The following BRAT1 variants were observed in gnomAD, a reference collection of about 807,000 sequenced individuals.
The protein encoded by BRAT1 is integrator complex assembly factor BRAT1.
BRAT1 carries 74 observed loss-of-function variants against 70.6 expected under a neutral mutation model. The observed-to-expected ratio is 1.05, with a 90% CI of 0.87 to 1.27. The LOEUF is 1.27. BRAT1 is among the 50% of genes most tolerant of loss of function. BRAT1 has a pLI of 0.00. For synonymous variants in BRAT1, 615 were observed against 517.1 expected (o/e 1.19, Z -2.57); for missense variants, 1,203 against 1,098.2 (o/e 1.10, Z -1.35).
intron 10 of BRAT1, 77 bp from the exon 11 acceptor site, chr7:2,539,965 C>T: frequency 9.4e-7 from 1 of 1,068,828 alleles, no homozygotes; most frequent in Non-Finnish European, 1.3e-6. Context: ...TCGCCTTCAC[C>T]TGTGCTGCCC....
Position 2,541,793 on chromosome 7 carries a change from T to C in BRAT1, c.1059A>G (p.Thr353=). 6.2e-7 allele frequency: 1 copy of C among 1,612,500 alleles called. No homozygotes were observed. Among genetic ancestry groups the C allele is most frequent in the Non-Finnish European group, 8.5e-7 (1 of 1,179,816 alleles). Residue 353 remains threonine, a synonymous_variant, in exon 8 of 14, where the codon ACA becomes ACG. Coordinates refer to ENST00000340611, the MANE Select transcript of BRAT1 (RefSeq NM_152743.4). ...GTADDATTVD[T]LLASKSSCAG... is the part of the protein sequence containing the mutation. ...CGCAGGACGACTTGGAGGCCAGGAG[T>C]GTGTCCACCGTCGTGGCATCGTCTG... is the stretch of plus-strand genomic sequence containing the variant.
intron 1 of BRAT1, among the ~76,000 whole-genome samples, chr7:2,554,933 G>T (rs1221615530): frequency 1.3e-5 from 2 of 152,130 alleles, no homozygotes; most frequent in Admixed American, 6.5e-5. Context: ...CAGCAGGGGG[G>T]TGCGGAGGGG....
rs1247236356 is a variant in BRAT1, at chr7:2,539,218, C to T, written c.1731G>A (p.Leu577=). 7 of 1,610,114 alleles carry T rather than the reference C, an allele frequency of 4.3e-6. No individual in the cohort carries two copies. Among genetic ancestry groups the T allele is most frequent in the Non-Finnish European group, 8.5e-7 (1 of 1,179,330 alleles). The part of the protein sequence containing the change: ...TAMGQLSSQG[L]HAPTSPEHAE... ...CATGCTCAGGGCTGGTGGGGGCGTG[C>T]AGGCCCTGGCTGGACAGCTGCCCCA... Residue 577 remains leucine, a synonymous_variant, in exon 13 of 14, where the codon CTG becomes CTA. Transcript: ENST00000340611.
At position 2,554,059 on chromosome 7, in the gene BRAT1, G is replaced by A. The variant is rs61200904; in HGVS notation, c.127+246C>T. 9.0e-3 allele frequency among the ~76,000 whole-genome samples: 1,372 copies of A among 152,272 alleles called. 18 individuals are homozygous for A. Among genetic ancestry groups the A allele is most frequent in the African/African-American group, 0.031 (1,287 of 41,550 alleles). On this transcript the variant is annotated intron_variant, in intron 2 of 13. Transcript: ENST00000340611. ...GCCTTCTGTAGAACTGAACCTTGGG[G>A]TGCCCTGATCGTGGCTCAACTGGCT...
intron 3 of BRAT1, among the ~76,000 whole-genome samples, chr7:2,546,417 G>A (rs185117717): frequency 2.6e-5 from 4 of 152,012 alleles, no homozygotes; most frequent in African/African-American, 7.2e-5. Context: ...GGACGACAGA[G>A]CAGGACTCTG....
In BRAT1 at chr7:2,539,994, T is replaced by G. The variant is rs549448284; in HGVS notation, c.1396-106A>C. On this transcript the variant is annotated intron_variant, in intron 10 of 13. Coordinates refer to ENST00000340611, the MANE Select transcript of BRAT1 (RefSeq NM_152743.4). ...GCTGCCCGTACTCCAGGGACAGCAA[T>G]GGGGACAGGAAGTGGAGAGAGAAGG... is the stretch of plus-strand genomic sequence containing the variant. The G allele has an allele frequency of 5.0e-5, 39 of 778,288 alleles. No homozygotes were observed. In the South Asian group the frequency reaches 7.3e-4, roughly 15 times the overall value. 48.2% of individuals were successfully genotyped at this position (778,288 alleles called of 1,614,324 possible).
intron 2 of BRAT1, among the ~76,000 whole-genome samples, chr7:2,551,291 A>ATATC (rs1418226366): frequency 4.6e-5 from 7 of 150,646 alleles, no homozygotes; most frequent in Non-Finnish European, 1.0e-4. Flanking sequence ...AGATATATAT[A>ATATC]TATCTCATGC....
At chr7:2,545,617 G>A (rs1319554503) in intron 3 of BRAT1, among the ~76,000 whole-genome samples, 3 of 151,286 alleles carry the variant, frequency 2.0e-5, no homozygotes, top group African/African-American at 4.9e-5. Flanking sequence ...AGCCTCCTGA[G>A]TAGCTGGCAT....
chr7:2,541,847 A>G lies in BRAT1; in HGVS notation c.1016-11T>C. The G allele has an allele frequency of 6.2e-7, 1 of 1,611,620 alleles. No individual in the cohort carries two copies. The highest frequency in any genetic ancestry group is 2.2e-5 in the East Asian group (1 of 44,822). Reference sequence around the variant, plus strand: ...TCCCGTCCAGCAAGCCTGGGGGCCAAGCCAGGAAGAGCTCCCTTAGAGAGC... The same window carrying G: ...TCCCGTCCAGCAAGCCTGGGGGCCAGGCCAGGAAGAGCTCCCTTAGAGAGC... On this transcript the variant is annotated splice_polypyrimidine_tract_variant and intron_variant, in intron 7 of 13. Coordinates refer to ENST00000340611, the MANE Select transcript of BRAT1 (RefSeq NM_152743.4).
chr7:2,552,903 A>ATT lies in BRAT1; in HGVS notation c.127+1400_127+1401dup, dbSNP rs11309965. Among the ~76,000 whole-genome samples, 78 of 142,808 alleles carry ATT rather than the reference A, an allele frequency of 5.5e-4. 1 individual carries two copies. The highest frequency in any genetic ancestry group is 9.1e-4 in the South Asian group (4 of 4,382). 93.7% of individuals were successfully genotyped at this position (142,808 alleles called of 152,430 possible). A position where few individuals can be genotyped will look rare whatever the true frequency, so the allele number is the denominator to read the frequency against. ...CAGGCGCCCACCACCACGTCTGGCT[A>ATT]TTTTTTTTTTTTTTGTATTTTTAGT... On this transcript the variant is annotated intron_variant, in intron 2 of 13. Transcript: ENST00000340611.
intron 10 of BRAT1, 182 bp downstream of exon 10, chr7:2,540,794 CCAA>C: frequency 1.8e-6 from 1 of 556,864 alleles, no homozygotes; most frequent in Non-Finnish European, 2.9e-6. Flanking sequence ...TGTATCTTCA[CCAA>C]CAAGAGGCCC....
At chr7:2,541,196 G>A in intron 9 of BRAT1, 102 bp downstream of exon 9, 1 of 964,684 alleles carries the variant, frequency 1.0e-6, no homozygotes, top group Non-Finnish European at 1.5e-6. Flanking sequence ...CCACCCCAGA[G>A]AAGAAACAGA....
chr7:2,549,263 T>C (rs1192717373), intron 2 of BRAT1, among the ~76,000 whole-genome samples: 4 of 152,078 alleles, frequency 2.6e-5, no homozygotes, highest in Admixed American at 6.6e-5. Context: ...GGTGGGCAGA[T>C]TGCCTGAGCC....
chr7:2,542,283 A>G, intron 6 of BRAT1, 72 bp from the exon 7 acceptor site: 2 of 1,334,382 alleles, frequency 1.5e-6, no homozygotes, highest in Non-Finnish European at 2.1e-6. Context: ...TAATGTCCCC[A>G]GCAAGCCTGG....
At position 2,541,704 on chromosome 7, in the gene BRAT1, C is replaced by G; in HGVS notation, c.1134+14G>C. On this transcript the variant is annotated intron_variant, in intron 8 of 13. Transcript: ENST00000340611. ...GGATGCTGCTGGGCTGCATGAGGAC[C>G]GGGCCGCACCTACCAGCGGCTGCAG... The G allele has an allele frequency of 6.3e-7, 1 of 1,598,428 alleles. No homozygotes were observed. The highest frequency in any genetic ancestry group is 8.5e-7 in the Non-Finnish European group (1 of 1,174,018).
intron 1 of BRAT1, among the ~76,000 whole-genome samples, chr7:2,555,189 G>A (rs1780332551): frequency 1.3e-5 from 2 of 152,080 alleles, no homozygotes; most frequent in Non-Finnish European, 2.9e-5. Context: ...TCGGGGGTGG[G>A]CGGGGTGGTC....
At chr7:2,553,800 C>A (rs1413225244) in intron 2 of BRAT1, among the ~76,000 whole-genome samples, 2 of 151,438 alleles carry the variant, frequency 1.3e-5, no homozygotes, top group Admixed American at 1.3e-4. Flanking sequence ...CGCCACCAGG[C>A]ACAGCTAATT....
intron 2 of BRAT1, among the ~76,000 whole-genome samples, chr7:2,550,168 A>G (rs938333824): frequency 1.3e-4 from 17 of 128,162 alleles, no homozygotes; most frequent in Admixed American, 1.0e-3. Context: ...GTCTCCAAAA[A>G]AAAAAGAAAA....
At chr7:2,553,648 TG>T (rs1314459185) in intron 2 of BRAT1, among the ~76,000 whole-genome samples, 5 of 151,914 alleles carry the variant, frequency 3.3e-5, no homozygotes, top group African/African-American at 1.2e-4. Flanking sequence ...TGTATTACTT[TG>T]TTTTTTTTTT....
Sources: allele counts gnomAD v4.1 joint callset (sites outside exome capture counted in the v4.1 genomes callset), GRCh38; gene constraint gnomAD v4.1.1; transcripts MANE v1.5; gene names NCBI Gene and HGNC (gene_info 2026-07-23, HGNC 2026-07-21).